The following ITGB5 variants were observed in gnomAD, a reference collection of about 807,000 sequenced individuals.
ITGB5 encodes the protein integrin subunit beta 5, also known as integrin beta-5.
In ITGB5, 38 loss-of-function variants were observed where a neutral mutation model predicts 84.8. The ratio of observed to expected loss-of-function variants is 0.45; its 90% CI spans 0.35 to 0.59. The LOEUF (loss-of-function observed/expected upper bound fraction) is 0.59, where lower values mean the gene tolerates loss of function less well. Among genes scored for constraint, ITGB5 ranks in the 20% least tolerant of loss-of-function variants. The probability of loss-of-function intolerance (pLI) is 0.01; values close to 1 mark genes in which losing one functional copy is unlikely to be tolerated. For missense variants in ITGB5, 905 were observed against 1,034.5 expected (o/e 0.87, Z 1.72); for synonymous variants, 393 against 414.4 (o/e 0.95, Z 0.63).
At chr3:124,853,591 G>C (rs2107610578) in intron 3 of ITGB5, among the ~76,000 whole-genome samples, 1 of 152,256 alleles carries the variant, frequency 6.6e-6, no homozygotes, top group Admixed American at 6.5e-5. Context: ...TATGTACACT[G>C]TCACCCAGGG....
At chr3:124,863,233 G>A (rs1475601106) in intron 2 of ITGB5, 3 of 152,176 alleles carry the variant, frequency 2.0e-5, no homozygotes, top group Non-Finnish European at 4.4e-5. Flanking sequence ...GAGGCACCAC[G>A]GGGCAAGGCA....
intron 2 of ITGB5, among the ~76,000 whole-genome samples, chr3:124,870,020 C>T (rs1301479936): frequency 6.6e-6 from 1 of 152,238 alleles, no homozygotes; most frequent in Non-Finnish European, 1.5e-5. Flanking sequence ...TCATTTTACA[C>T]TCCCAGTCAT....
intron 9 of ITGB5, among the ~76,000 whole-genome samples, chr3:124,799,350 G>C (rs1377073286): frequency 1.3e-5 from 2 of 152,206 alleles, no homozygotes; most frequent in Non-Finnish European, 2.9e-5. Flanking sequence ...CTTGAGGCCA[G>C]GAGTTCGAGA....
At chr3:124,892,830 C>T (rs1463989079) in intron 1 of ITGB5, among the ~76,000 whole-genome samples, 2 of 152,030 alleles carry the variant, frequency 1.3e-5, no homozygotes, top group African/African-American at 2.4e-5. Flanking sequence ...TACCAACTCC[C>T]AAAGTGACTT....
At chr3:124,898,216 G>T (rs1376778104) in intron 1 of ITGB5, among the ~76,000 whole-genome samples, 2 of 61,516 alleles carry the variant, frequency 3.3e-5, no homozygotes, top group African/African-American at 6.9e-5. Flanking sequence ...ATGCTTTGAG[G>T]TCTTTTTTTT....
At chr3:124,764,021 T>C (rs1161704739) in intron 14 of ITGB5, among the ~76,000 whole-genome samples, 2 of 152,238 alleles carry the variant, frequency 1.3e-5, no homozygotes, top group African/African-American at 4.8e-5. Context: ...CGCTCAGTCC[T>C]CTGGGCATTT....
chr3:124,762,066 C>G lies in ITGB5; in HGVS notation c.*1557G>C, dbSNP rs1295095111. ...CCCAAAAAGGGTTTAACAGTGTCAC[C>G]AAGTTACCAGGTCTCTGTTTCATCA... On this transcript the variant is annotated 3_prime_UTR_variant, in exon 15 of 15. Transcript: ENST00000296181. The G allele has an allele frequency of 6.6e-6, 1 of 152,076 alleles. No homozygotes were observed. The highest frequency in any genetic ancestry group is 1.5e-5 in the Non-Finnish European group (1 of 68,042). 9.4% of individuals were successfully genotyped at this position (152,076 alleles called of 1,614,324 possible).
chr3:124,764,417 C>A lies in ITGB5; in HGVS notation c.2278G>T (p.Glu760Ter). 1 of 1,612,784 alleles carries A rather than the reference C, an allele frequency of 6.2e-7. No individual in the cohort carries two copies. The stretch of plus-strand genomic sequence containing the variant: ...ATTTCATAGCGGGCCCTGGATCGCT[C>A]GCTCTGAAACTTTGCAAACTCCCTC... ...DRREFAKFQS[E>*]RSRARYEMAS... Residue 760 changes from glutamate (E) to a stop codon, truncating the protein, a stop_gained, in exon 14 of 15, where the codon GAG (glutamate) becomes TAG (stop). Coordinates refer to ENST00000296181, the MANE Select transcript of ITGB5 (RefSeq NM_002213.5). LOFTEE classifies it high-confidence loss of function.
intron 13 of ITGB5, among the ~76,000 whole-genome samples, chr3:124,764,917 G>T (rs1291102123): frequency 4.6e-5 from 7 of 152,194 alleles, no homozygotes; most frequent in Non-Finnish European, 1.0e-4. Flanking sequence ...CAGGCAGGAG[G>T]TACCATGAAG....
intron 2 of ITGB5, among the ~76,000 whole-genome samples, chr3:124,865,878 T>C (rs192749856): frequency 6.6e-6 from 1 of 152,348 alleles, no homozygotes; most frequent in Admixed American, 6.5e-5. Context: ...GTTACAACAC[T>C]GGTGTTTGCA....
chr3:124,859,477 A>AGGTG, intron 2 of ITGB5, 31 bp from the exon 3 acceptor site: 1 of 1,591,250 alleles, frequency 6.3e-7, no homozygotes, highest in Non-Finnish European at 8.6e-7. Flanking sequence ...AGAGAGCAGG[A>AGGTG]GGTGGTCAGG....
chr3:124,777,664 T>G (rs1433176985), intron 10 of ITGB5, among the ~76,000 whole-genome samples: 1 of 152,214 alleles, frequency 6.6e-6, no homozygotes, highest in African/African-American at 2.4e-5. Context: ...CTCAGAATCC[T>G]CAATGCAGTC....
At chr3:124,870,739 A>G (rs1191315201) in intron 2 of ITGB5, among the ~76,000 whole-genome samples, 2 of 111,950 alleles carry the variant, frequency 1.8e-5, no homozygotes, top group African/African-American at 6.0e-5. Flanking sequence ...AGAAAAAAAA[A>G]AAAAAAAACC....
At chr3:124,846,401 A>G (rs2065078396) in intron 4 of ITGB5, among the ~76,000 whole-genome samples, 1 of 151,428 alleles carries the variant, frequency 6.6e-6, no homozygotes, top group Non-Finnish European at 1.5e-5. Flanking sequence ...AAAGCAGCTC[A>G]GCCCTCATCA....
chr3:124,786,799 GAGC>G (rs1313004596), intron 10 of ITGB5, among the ~76,000 whole-genome samples: 6 of 152,206 alleles, frequency 3.9e-5, no homozygotes, highest in African/African-American at 1.4e-4. Flanking sequence ...CAGAGGCACT[GAGC>G]AGCAGAAGCC....
At chr3:124,891,258 C>G (rs147498397), upstream of ITGB5, among the ~76,000 whole-genome samples, 1 of 152,264 alleles carries the variant, frequency 6.6e-6, no homozygotes, top group African/African-American at 2.4e-5. Flanking sequence ...CAAACAGATA[C>G]CTGTACACCA....
intron 8 of ITGB5, among the ~76,000 whole-genome samples, chr3:124,811,751 C>G (rs916916048): frequency 6.6e-6 from 1 of 152,160 alleles, no homozygotes; most frequent in African/African-American, 2.4e-5. Context: ...GAATCAGAAA[C>G]TCTTAAGACA....
In ITGB5 at chr3:124,784,529, C is replaced by T. The variant is rs1057029192; in HGVS notation, c.1694-10617G>A. 2.0e-5 allele frequency among the ~76,000 whole-genome samples: 3 copies of T among 152,138 alleles called. 1 individual carries two copies. Among genetic ancestry groups the T allele is most frequent in the African/African-American group, 2.4e-5 (1 of 41,418 alleles). ...CAACAACAACAAACAAAATCAATGC[C>T]GATGCCCAGCTGCCATGTCACAGGG... is the stretch of plus-strand genomic sequence containing the variant. On this transcript the variant is annotated intron_variant, in intron 10 of 14. Transcript: ENST00000296181.
At position 124,821,307 on chromosome 3, in the gene ITGB5, A is replaced by G. The variant is rs1213776789; in HGVS notation, c.942+6T>C. Reference sequence around the variant, plus strand: ...AGGGAGGGGGGATCTGGTTCCCGGCACTCACCATCTGGTTGGATGCAGTGT... The same window carrying G: ...AGGGAGGGGGGATCTGGTTCCCGGCGCTCACCATCTGGTTGGATGCAGTGT... On this transcript the variant is annotated splice_donor_region_variant and intron_variant, in intron 6 of 14. Transcript: ENST00000296181. 8 of 1,610,760 alleles carry G rather than the reference A, an allele frequency of 5.0e-6. No homozygotes were observed. The highest frequency in any genetic ancestry group is 1.1e-5 in the South Asian group (1 of 90,456).
Sources: allele counts gnomAD v4.1 joint callset (sites outside exome capture counted in the v4.1 genomes callset), GRCh38; gene constraint gnomAD v4.1.1; transcripts MANE v1.5; gene names NCBI Gene and HGNC (gene_info 2026-07-23, HGNC 2026-07-21).